The following WWOX variants were observed in gnomAD, a reference collection of about 807,000 sequenced individuals.
The protein encoded by WWOX is WW domain-containing oxidoreductase.
WWOX carries 69 observed loss-of-function variants against 46.2 expected under a neutral mutation model. That is an observed-to-expected ratio of 1.49 (90% CI 1.23 to 1.82). WWOX has a LOEUF of 1.82. Ranked by LOEUF, WWOX falls within the 40% of genes most tolerant of loss-of-function variation. The probability of loss-of-function intolerance (pLI) is 0.00; values close to 1 mark genes in which losing one functional copy is unlikely to be tolerated. For missense variants in WWOX, 919 were observed against 542.6 expected (o/e 1.69, Z -6.89); for synonymous variants, 359 against 202.6 (o/e 1.77, Z -6.56).
At chr16:78,226,447 C>G (rs975346742) in intron 5 of WWOX, among the ~76,000 whole-genome samples, 1 of 150,900 alleles carries the variant, frequency 6.6e-6, no homozygotes. Context: ...CTTTCCTTTC[C>G]TTTCTTGTCC....
intron 8 of WWOX, among the ~76,000 whole-genome samples, chr16:78,743,350 C>G (rs184474827): frequency 6.6e-6 from 1 of 152,194 alleles, no homozygotes; most frequent in African/African-American, 2.4e-5. Context: ...TGTTTCTTAA[C>G]TCATTGATTC....
chr16:79,137,493 CT>C (rs1299160012), intron 8 of WWOX, among the ~76,000 whole-genome samples: 20 of 152,262 alleles, frequency 1.3e-4, no homozygotes, highest in African/African-American at 4.3e-4. Flanking sequence ...AGGTAGTTTC[CT>C]TTCTCTCACT....
chr16:78,748,052 C>T (rs1222408907), intron 8 of WWOX, among the ~76,000 whole-genome samples: 2 of 152,172 alleles, frequency 1.3e-5, no homozygotes, highest in Non-Finnish European at 2.9e-5. Context: ...TTGGGATCTG[C>T]AGAAGTGTCC....
intron 8 of WWOX, among the ~76,000 whole-genome samples, chr16:78,568,035 G>A (rs911516250): frequency 1.3e-5 from 2 of 152,208 alleles, no homozygotes; most frequent in Non-Finnish European, 2.9e-5. Context: ...GGCGGCAGGA[G>A]TCTTTGTCTC....
At chr16:78,530,194 A>G (rs1298145790) in intron 8 of WWOX, among the ~76,000 whole-genome samples, 1 of 152,036 alleles carries the variant, frequency 6.6e-6, no homozygotes, top group Admixed American at 6.5e-5. Context: ...GACCCCTGAA[A>G]CCCTAAAAGG....
intron 8 of WWOX, among the ~76,000 whole-genome samples, chr16:78,448,137 C>T (rs1205877339): frequency 2.6e-5 from 4 of 152,106 alleles, no homozygotes; most frequent in Admixed American, 1.3e-4. Context: ...TCTGGGACAA[C>T]GGCCCTGCTC....
chr16:78,099,843 GGGAGGAGAGAA>G lies in WWOX; in HGVS notation c.66_76del (p.Trp22CysfsTer43). The G allele has an allele frequency of 6.3e-6, 10 of 1,582,140 alleles. No individual in the cohort carries two copies. Among genetic ancestry groups the G allele is most frequent in the Non-Finnish European group, 8.6e-6 (10 of 1,165,038 alleles). ...AGTGAGGACGAGCTGCCTCCGGGCT[GGGAGGAGAGAA>G]CCACCAAGGACGGCTGGGTTTACTA... On this transcript the variant is annotated frameshift_variant, in exon 1 of 9. Coordinates refer to ENST00000566780, the MANE Select transcript of WWOX (RefSeq NM_016373.4). LOFTEE classifies it high-confidence loss of function.
chr16:78,130,645 G>C (rs527699541), intron 4 of WWOX, among the ~76,000 whole-genome samples: 2 of 152,332 alleles, frequency 1.3e-5, no homozygotes, highest in African/African-American at 2.4e-5. Flanking sequence ...GTAGAGGCTT[G>C]AGCTTGGTTT....
At chr16:78,375,614 T>G (rs1238909308) in intron 5 of WWOX, among the ~76,000 whole-genome samples, 1 of 152,212 alleles carries the variant, frequency 6.6e-6, no homozygotes, top group Non-Finnish European at 1.5e-5. Context: ...TTCTTGGGAA[T>G]GGAAATTGGT....
At chr16:78,186,584 C>T (rs539971595) in intron 5 of WWOX, among the ~76,000 whole-genome samples, 130 of 152,172 alleles carry the variant, frequency 8.5e-4, no homozygotes, top group African/African-American at 2.6e-3. Context: ...GCCAATATGG[C>T]GAAACCCTGT....
At chr16:78,414,739 G>C (rs558007480) in intron 6 of WWOX, among the ~76,000 whole-genome samples, 1 of 152,280 alleles carries the variant, frequency 6.6e-6, no homozygotes, top group East Asian at 1.9e-4. Flanking sequence ...TCCTAACGTG[G>C]TGGCCTTTCA....
intron 5 of WWOX, among the ~76,000 whole-genome samples, chr16:78,187,813 A>G (rs1450222781): frequency 6.6e-6 from 1 of 152,172 alleles, no homozygotes; most frequent in Non-Finnish European, 1.5e-5. Context: ...CAGGGCAAGA[A>G]TGGTTCAAGC....
At chr16:78,613,831 A>G (rs1295533205) in intron 8 of WWOX, among the ~76,000 whole-genome samples, 1 of 152,192 alleles carries the variant, frequency 6.6e-6, no homozygotes, top group Non-Finnish European at 1.5e-5. Context: ...AAATTTTAAG[A>G]AGAGAATACA....
At chr16:78,132,191 A>AT (rs1008329815) in intron 4 of WWOX, among the ~76,000 whole-genome samples, 3 of 148,258 alleles carry the variant, frequency 2.0e-5, no homozygotes, top group African/African-American at 5.0e-5. Context: ...CGCCCGGCTA[A>AT]TTTTTTTGTA....
At chr16:78,489,767 C>T (rs1028391257) in intron 8 of WWOX, among the ~76,000 whole-genome samples, 8 of 152,018 alleles carry the variant, frequency 5.3e-5, no homozygotes, top group African/African-American at 1.9e-4. Flanking sequence ...GTTTGGAAAC[C>T]CTCCTAACAT....
chr16:79,096,420 G>T (rs1177304705), intron 8 of WWOX, among the ~76,000 whole-genome samples: 1 of 151,986 alleles, frequency 6.6e-6, no homozygotes, highest in African/African-American at 2.4e-5. Flanking sequence ...CTGCTCACTG[G>T]GTTCCAGCTG....
chr16:78,463,892 C>G (rs2084012206), intron 8 of WWOX, among the ~76,000 whole-genome samples: 1 of 152,100 alleles, frequency 6.6e-6, no homozygotes, highest in African/African-American at 2.4e-5. Flanking sequence ...CTAGTATGGA[C>G]CTTTGGGGCT....
chr16:78,989,328 A>G (rs1215898937), intron 8 of WWOX, among the ~76,000 whole-genome samples: 1 of 152,168 alleles, frequency 6.6e-6, no homozygotes, highest in Admixed American at 6.5e-5. Flanking sequence ...ATTAGCTTAT[A>G]TATATGTCTG....
At chr16:79,050,057 A>G (rs561898996) in intron 8 of WWOX, among the ~76,000 whole-genome samples, 96 of 152,228 alleles carry the variant, frequency 6.3e-4, no homozygotes, top group African/African-American at 2.2e-3. Context: ...TAAACAGGTC[A>G]TTAGAGCTTC....
Sources: allele counts gnomAD v4.1 joint callset (sites outside exome capture counted in the v4.1 genomes callset), GRCh38; gene constraint gnomAD v4.1.1; transcripts MANE v1.5; gene names NCBI Gene and HGNC (gene_info 2026-07-23, HGNC 2026-07-21).